Variants in MAPK14 observed in about 807,000 individuals in gnomAD.
MAPK14 encodes mitogen-activated protein kinase 14.
Under a neutral mutation model 49.6 loss-of-function variants are expected in MAPK14, and 16 were observed. That is an observed-to-expected ratio of 0.32 (90% CI 0.22 to 0.49). MAPK14 has a LOEUF of 0.49. Ranked by LOEUF, MAPK14 falls within the 20% of genes least tolerant of loss-of-function variation. MAPK14 has a pLI of 0.99. For synonymous variants in MAPK14, 142 were observed against 158.0 expected (o/e 0.90, Z 0.76); for missense variants, 200 against 441.2 (o/e 0.45, Z 4.90).
chr6:36,099,134 C>G (rs1765547416), intron 9 of MAPK14, among the ~76,000 whole-genome samples: 1 of 152,144 alleles, frequency 6.6e-6, no homozygotes, highest in Non-Finnish European at 1.5e-5. Context: ...TTTGGGAAAG[C>G]CATGAAGTAA....
intron 4 of MAPK14, 84 bp from the exon 5 acceptor site, chr6:36,073,607 G>A: frequency 6.5e-6 from 7 of 1,073,336 alleles, no homozygotes; most frequent in Non-Finnish European, 8.5e-6. Flanking sequence ...AGTTCTTACT[G>A]ATTCATGAAA....
In MAPK14 at chr6:36,079,458, G is replaced by C. The variant is rs200695925; in HGVS notation, c.682+2850G>C. ...CACATTGGAAGAAGAAATGTCCTGG[G>C]CCACACATAAAATACACTAATGATA... On this transcript the variant is annotated intron_variant, in intron 8 of 11. Coordinates refer to ENST00000229794, the MANE Select transcript of MAPK14 (RefSeq NM_139012.3). Among the ~76,000 whole-genome samples, 6 of 151,954 alleles carry C rather than the reference G, an allele frequency of 3.9e-5. No individual in the cohort carries two copies. The East Asian group carries it at 1.2e-3, about 29-fold the overall frequency.
intron 8 of MAPK14, among the ~76,000 whole-genome samples, chr6:36,088,250 T>C (rs1197333935): frequency 6.6e-6 from 1 of 152,012 alleles, no homozygotes; most frequent in Non-Finnish European, 1.5e-5. Context: ...TCAAAAGCAA[T>C]GGCAACAAAA....
chr6:36,115,259 G>A (rs1766041033), downstream of MAPK14, among the ~76,000 whole-genome samples: 1 of 152,204 alleles, frequency 6.6e-6, no homozygotes. Flanking sequence ...CACCATTTGA[G>A]TGTCAGTTGC....
chr6:36,123,495 A>C, the MAPK14 span, among the ~76,000 whole-genome samples: 6 of 152,126 alleles, frequency 3.9e-5, no homozygotes, highest in Non-Finnish European at 8.8e-5. Context: ...ATATTCCCCT[A>C]CTATTGCTTA....
chr6:36,115,328 G>GATCTATTC (rs1402384703), downstream of MAPK14, among the ~76,000 whole-genome samples: 2 of 152,302 alleles, frequency 1.3e-5, no homozygotes, highest in East Asian at 3.9e-4. Flanking sequence ...ACAAAAACCA[G>GATCTATTC]TGGTTCTAAA....
intron 8 of MAPK14, among the ~76,000 whole-genome samples, chr6:36,077,285 A>C (rs1303313462): frequency 1.3e-5 from 2 of 152,118 alleles, no homozygotes; most frequent in Non-Finnish European, 2.9e-5. Flanking sequence ...GTCATGAAAA[A>C]TGTGGTCTGT....
chr6:36,112,201 G>A (rs1439062117), downstream of MAPK14, among the ~76,000 whole-genome samples: 2 of 140,214 alleles, frequency 1.4e-5, no homozygotes, highest in African/African-American at 5.3e-5. Flanking sequence ...GTGAGACTCC[G>A]TCTCAAAAAA....
intron 8 of MAPK14, among the ~76,000 whole-genome samples, chr6:36,077,125 C>T (rs1764562535): frequency 6.6e-6 from 1 of 152,198 alleles, no homozygotes; most frequent in Admixed American, 6.5e-5. Context: ...ATGTAATGTA[C>T]TTTTGTTTTT....
intron 1 of MAPK14, among the ~76,000 whole-genome samples, chr6:36,043,365 G>C (rs1763041442): frequency 6.6e-6 from 1 of 151,746 alleles, no homozygotes; most frequent in African/African-American, 2.4e-5. Context: ...TATTTCACTA[G>C]GTTTGAAGAA....
chr6:36,074,480 A>G (rs1764438464), intron 6 of MAPK14, among the ~76,000 whole-genome samples: 1 of 152,226 alleles, frequency 6.6e-6, no homozygotes, highest in Non-Finnish European at 1.5e-5. Context: ...ATTGTTTCTA[A>G]ATAGCAAGCA....
At chr6:36,120,607 TGTTTTCGC>T in the MAPK14 span, among the ~76,000 whole-genome samples, 1 of 152,274 alleles carries the variant, frequency 6.6e-6, no homozygotes, top group Admixed American at 6.5e-5. Flanking sequence ...ATCCCCCGGC[TGTTTTCGC>T]GTTTTCACTA....
chr6:36,059,413 C>G lies in MAPK14; in HGVS notation c.305+66C>G, dbSNP rs1297495157. ...TGAAGACTAATAGCCCATTTCTATT[C>G]CTGAACCATTTAGCAACATATAGAC... is the stretch of plus-strand genomic sequence containing the variant. On this transcript the variant is annotated intron_variant, in intron 3 of 11. Coordinates refer to ENST00000229794, the MANE Select transcript of MAPK14 (RefSeq NM_139012.3). 1.5e-5 allele frequency: 17 copies of G among 1,144,958 alleles called. No homozygotes were observed. In the South Asian group the frequency reaches 1.7e-4, roughly 12 times the overall value. The allele number at this position is 1,144,958 out of a possible 1,614,324, so 70.9% of individuals were successfully genotyped here.
downstream of MAPK14, among the ~76,000 whole-genome samples, chr6:36,113,181 T>A (rs1485995443): frequency 6.6e-6 from 1 of 151,974 alleles, no homozygotes; most frequent in African/African-American, 2.4e-5. Context: ...CTGGGGACTC[T>A]TGACTCTACA....
chr6:36,073,872 A>G, intron 5 of MAPK14, 152 bp downstream of exon 5: 1 of 953,966 alleles, frequency 1.0e-6, no homozygotes, highest in South Asian at 1.6e-5. Context: ...AAGAAAGAAG[A>G]TGTGTAGTTT....
chr6:36,108,280 T>C, intron 11 of MAPK14, 100 bp from the exon 12 acceptor site: 1 of 868,822 alleles, frequency 1.2e-6, no homozygotes, highest in Non-Finnish European at 1.9e-6. Flanking sequence ...AACCACTACC[T>C]GGACAGAGAG....
chr6:36,064,370 A>G (rs907056806), intron 3 of MAPK14, among the ~76,000 whole-genome samples: 2 of 149,354 alleles, frequency 1.3e-5, no homozygotes, highest in Non-Finnish European at 2.9e-5. Flanking sequence ...CTCAAATTTC[A>G]TGGAAACTGA....
chr6:36,033,405 C>T (rs1762619268), intron 1 of MAPK14, among the ~76,000 whole-genome samples: 1 of 152,048 alleles, frequency 6.6e-6, no homozygotes, highest in African/African-American at 2.4e-5. Context: ...CAGCCTCTGC[C>T]TCCCGAGTTC....
chr6:36,070,206 G>A (rs851011), intron 3 of MAPK14, among the ~76,000 whole-genome samples: 135,271 of 152,278 alleles, frequency 0.89, 60,242 homozygotes, highest in East Asian at 1. Flanking sequence ...TTATTGTGAC[G>A]TTTAAAGAGT....
Sources: gnomAD v4.1 joint callset for allele counts (sites outside exome capture counted in the v4.1 genomes callset) on GRCh38, gnomAD v4.1.1 for gene constraint, MANE v1.5 for transcripts, NCBI Gene and HGNC (gene_info 2026-07-23, HGNC 2026-07-21) for gene names.